AK9: variants seen among roughly 807,000 people sequenced by gnomAD.
The protein encoded by AK9 is adenylate kinase 9, also known as adenylate kinase domain containing 1.
A neutral mutation model predicts 239.6 loss-of-function variants in AK9; 191 were observed. The ratio of observed to expected loss-of-function variants is 0.80; its 90% CI spans 0.71 to 0.90. The LOEUF is 0.90. Among genes scored for constraint, AK9 ranks in the 40% least tolerant of loss-of-function variants. The pLI, the probability that AK9 is intolerant of heterozygous loss-of-function variation, is 0.00. For missense variants in AK9, 1,995 were observed against 2,214.7 expected, an observed-to-expected ratio of 0.90 and a Z score of 1.99; for synonymous variants, 689 against 721.0, an observed-to-expected ratio of 0.96 and a Z score of 0.71.
intron 1 of AK9, among the ~76,000 whole-genome samples, chr6:109,677,342 A>G (rs1771907243): frequency 6.6e-6 from 1 of 152,192 alleles, no homozygotes; most frequent in African/African-American, 2.4e-5. Flanking sequence ...TAATTGCACA[A>G]ATCTATAAAA....
At chr6:109,520,449 G>A (rs561396852) in intron 29 of AK9, among the ~76,000 whole-genome samples, 1 of 152,018 alleles carries the variant, frequency 6.6e-6, no homozygotes, top group Non-Finnish European at 1.5e-5. Context: ...CTTTGTTTCT[G>A]AGTTTTGTAT....
At chr6:109,639,587 A>T (rs1797145283) in intron 10 of AK9, among the ~76,000 whole-genome samples, 1 of 150,648 alleles carries the variant, frequency 6.6e-6, no homozygotes, top group Non-Finnish European at 1.5e-5. Flanking sequence ...ATTTTCTCCC[A>T]TTCTGTAGGT....
chr6:109,648,672 G>C (rs1162397424), intron 8 of AK9, among the ~76,000 whole-genome samples: 1 of 152,182 alleles, frequency 6.6e-6, no homozygotes, highest in Non-Finnish European at 1.5e-5. Context: ...ACAAAGAGGA[G>C]CTGGTACCAT....
intron 37 of AK9, 77 bp downstream of exon 37, chr6:109,497,717 AAT>A: frequency 6.6e-7 from 1 of 1,508,738 alleles, no homozygotes; most frequent in African/African-American, 1.4e-5. Flanking sequence ...ACTTTTGACC[AAT>A]ATGTTAAGAT....
chr6:109,541,019 GC>G (rs1782809542), intron 27 of AK9, among the ~76,000 whole-genome samples: 1 of 152,046 alleles, frequency 6.6e-6, no homozygotes, highest in South Asian at 2.1e-4. Context: ...GAGACCTTTG[GC>G]CCTCTCCCCT....
At chr6:109,568,526 A>G (rs1786918006) in intron 21 of AK9, among the ~76,000 whole-genome samples, 1 of 152,196 alleles carries the variant, frequency 6.6e-6, no homozygotes, top group African/African-American at 2.4e-5. Flanking sequence ...ATATTTAGAA[A>G]ACCCCATCGT....
chr6:109,573,570 T>C lies in AK9; in HGVS notation c.2216A>G (p.Asp739Gly). 6.5e-7 allele frequency: 1 copy of C among 1,550,184 alleles called. No homozygotes were observed. Among genetic ancestry groups the C allele is most frequent in the Non-Finnish European group, 8.7e-7 (1 of 1,146,320 alleles). Residue 739 changes from aspartate (D) to glycine (G), a missense_variant, in exon 21 of 41, where the codon GAT becomes GGT. This residue lies in a region of AK9 where 1,290 missense variants were observed against 1,392.7 expected (regional missense o/e 0.93). Transcript: ENST00000424296. ...AKEAEETDNE[D>G]EEEIEGDELE... is the part of the protein sequence containing the mutation. ...CTCATCACCTTCAATCTCCTCTTCATCCTCATTATCAGTCTCTTCAGCTTC... is the reference window on the plus strand; with the variant it reads ...CTCATCACCTTCAATCTCCTCTTCACCCTCATTATCAGTCTCTTCAGCTTC...
chr6:109,519,308 T>C (rs1779591186), intron 29 of AK9, among the ~76,000 whole-genome samples: 1 of 152,210 alleles, frequency 6.6e-6, no homozygotes, highest in Non-Finnish European at 1.5e-5. Context: ...GGTAGAACAA[T>C]TTATTTTCTT....
At chr6:109,598,229 C>G (rs574072485) in intron 17 of AK9, among the ~76,000 whole-genome samples, 152 of 143,860 alleles carry the variant, frequency 1.1e-3, no homozygotes, top group Middle Eastern at 3.5e-3. Flanking sequence ...CCCCCTCCCC[C>G]CACCCCACAA....
intron 10 of AK9, among the ~76,000 whole-genome samples, chr6:109,638,344 G>T (rs1796970709): frequency 6.6e-6 from 1 of 152,108 alleles, no homozygotes; most frequent in Non-Finnish European, 1.5e-5. Context: ...TATTGCAGGG[G>T]TCCCAGCACA....
chr6:109,525,099 C>T (rs1018688057), intron 29 of AK9, among the ~76,000 whole-genome samples: 1 of 152,122 alleles, frequency 6.6e-6, no homozygotes, highest in African/African-American at 2.4e-5. Context: ...CCAGTTATCC[C>T]AGCACCATTT....
chr6:109,577,636 A>T (rs1325271440), intron 20 of AK9, among the ~76,000 whole-genome samples: 1 of 152,008 alleles, frequency 6.6e-6, no homozygotes. Context: ...GGAAAATTTT[A>T]AATTACTGTT....
chr6:109,678,577 A>G (rs1360101802), intron 1 of AK9, among the ~76,000 whole-genome samples: 1 of 152,218 alleles, frequency 6.6e-6, no homozygotes, highest in Non-Finnish European at 1.5e-5. Flanking sequence ...AACTCCATGT[A>G]AATCTACAGT....
At chr6:109,530,829 A>C (rs1781134624) in intron 28 of AK9, among the ~76,000 whole-genome samples, 1 of 152,142 alleles carries the variant, frequency 6.6e-6, no homozygotes, top group South Asian at 2.1e-4. Context: ...AAACTACCAG[A>C]TATGGTCTCG....
chr6:109,504,135 C>A (rs1777869818), intron 35 of AK9, among the ~76,000 whole-genome samples: 1 of 152,180 alleles, frequency 6.6e-6, no homozygotes, highest in African/African-American at 2.4e-5. Flanking sequence ...GAGAGGATCG[C>A]TTGTAGCCAG....
intron 17 of AK9, among the ~76,000 whole-genome samples, chr6:109,586,330 TG>T (rs2128213365): frequency 6.6e-6 from 1 of 152,290 alleles, no homozygotes; most frequent in African/African-American, 2.4e-5. Flanking sequence ...GCAGGAGGAT[TG>T]CTTGAGCCCA....
At chr6:109,673,496 T>A (rs1051825675) in intron 3 of AK9, among the ~76,000 whole-genome samples, 1 of 152,020 alleles carries the variant, frequency 6.6e-6, no homozygotes, top group Admixed American at 6.6e-5. Flanking sequence ...ATTTTTCTAT[T>A]AGGGCATAAA....
intron 27 of AK9, among the ~76,000 whole-genome samples, chr6:109,535,442 T>C (rs1229060037): frequency 1.3e-5 from 2 of 152,252 alleles, no homozygotes; most frequent in African/African-American, 2.4e-5. Flanking sequence ...TGCCCAGTTG[T>C]TGACAGGGCT....
In AK9 at chr6:109,639,228, C is replaced by G. The variant is rs150363977; in HGVS notation, c.933+2290G>C. ...TCTAGATCCCTGAGGAATCACCGCA[C>G]TGTCTTCCACAATGGTTGAACTAAT... On this transcript the variant is annotated intron_variant, in intron 10 of 40. Coordinates refer to ENST00000424296, the MANE Select transcript of AK9 (RefSeq NM_001145128.3). Among the ~76,000 whole-genome samples the G allele has an allele frequency of 4.6e-5, 7 of 152,212 alleles. No individual in the cohort carries two copies. In the East Asian group the frequency reaches 1.4e-3, roughly 29 times the overall value.
Sources: allele counts gnomAD v4.1 joint callset (sites outside exome capture counted in the v4.1 genomes callset), GRCh38; gene constraint gnomAD v4.1.1; regional missense constraint gnomAD v4.1.1; transcripts MANE v1.5; gene names NCBI Gene and HGNC (gene_info 2026-07-23, HGNC 2026-07-21).